Variants in GALNT18 observed in about 807,000 individuals in gnomAD.
GALNT18 encodes the protein GalNAc-transferase 18.
GALNT18 carries 44 observed loss-of-function variants against 69.5 expected under a neutral mutation model. The observed-to-expected ratio is 0.63, with a 90% CI of 0.50 to 0.81. The LOEUF (loss-of-function observed/expected upper bound fraction) is 0.81, where lower values mean the gene tolerates loss of function less well. GALNT18 is among the 40% of genes least tolerant of loss of function. GALNT18 has a pLI of 0.00. For missense variants in GALNT18, 715 were observed against 810.0 expected (o/e 0.88, Z 1.42); for synonymous variants, 364 against 318.2 (o/e 1.14, Z -1.53).
intron 1 of GALNT18, among the ~76,000 whole-genome samples, chr11:11,545,423 A>G (rs1858030177): frequency 6.6e-6 from 1 of 152,226 alleles, no homozygotes. Flanking sequence ...CAGGAGCCAA[A>G]CCCCATGATG....
intron 6 of GALNT18, among the ~76,000 whole-genome samples, chr11:11,349,653 C>T (rs1227736295): frequency 6.6e-6 from 1 of 152,080 alleles, no homozygotes; most frequent in African/African-American, 2.4e-5. Flanking sequence ...GGCACATGAG[C>T]GGTGCTCAAA....
intron 1 of GALNT18, among the ~76,000 whole-genome samples, chr11:11,554,680 A>ATGTTCCATGGAACATCTTTTGGGAACTG (rs1858285017): frequency 6.6e-6 from 1 of 152,060 alleles, no homozygotes; most frequent in Non-Finnish European, 1.5e-5. Flanking sequence ...AATGGAACTG[A>ATGTTCCATGGAACATCTTTTGGGAACTG]TGTTCCATGG....
chr11:11,273,619 T>C (rs559933875), intron 10 of GALNT18, among the ~76,000 whole-genome samples: 2 of 152,200 alleles, frequency 1.3e-5, no homozygotes, highest in Non-Finnish European at 2.9e-5. Flanking sequence ...ACAGCTACTA[T>C]GGAGAACAGT....
rs114660879 is a variant in GALNT18, at chr11:11,272,124, G to A, written c.1678-834C>T. On this transcript the variant is annotated intron_variant, in intron 10 of 10. Coordinates refer to ENST00000227756, the MANE Select transcript of GALNT18 (RefSeq NM_198516.3). The stretch of plus-strand genomic sequence containing the variant: ...GGTTCTTATAATTGGACCCCTTGTA[G>A]CTTAATGGCACTTGAGTATATGGTC... 2.4e-3 allele frequency among the ~76,000 whole-genome samples: 373 copies of A among 152,262 alleles called. 1 individual carries two copies. Among genetic ancestry groups the A allele is most frequent in the African/African-American group, 8.4e-3 (350 of 41,542 alleles).
chr11:11,529,614 T>C (rs534692573), intron 1 of GALNT18, among the ~76,000 whole-genome samples: 5 of 135,602 alleles, frequency 3.7e-5, no homozygotes, highest in South Asian at 2.6e-4. Context: ...CAATTCTTTA[T>C]AATAATCTCC....
chr11:11,535,280 ATGGT>A (rs1410754925), intron 1 of GALNT18, among the ~76,000 whole-genome samples: 2 of 152,248 alleles, frequency 1.3e-5, no homozygotes, highest in African/African-American at 4.8e-5. Context: ...ATGAGCAGAC[ATGGT>A]GACCCCTGGT....
chr11:11,557,737 G>C (rs1455958197), intron 1 of GALNT18, among the ~76,000 whole-genome samples: 5 of 152,164 alleles, frequency 3.3e-5, no homozygotes, highest in Non-Finnish European at 5.9e-5. Flanking sequence ...TGGCATCTGA[G>C]GTTGCTGGGA....
intron 1 of GALNT18, among the ~76,000 whole-genome samples, chr11:11,508,641 C>T (rs762267811): frequency 6.6e-6 from 1 of 152,184 alleles, no homozygotes; most frequent in Non-Finnish European, 1.5e-5. Context: ...AAGCAGTAAT[C>T]AGAAGACAGA....
chr11:11,513,510 C>T (rs1159919037), intron 1 of GALNT18, among the ~76,000 whole-genome samples: 7 of 152,218 alleles, frequency 4.6e-5, no homozygotes, highest in Non-Finnish European at 1.0e-4. Context: ...ATTGGCACAT[C>T]TCAAAGAGGA....
At chr11:11,374,837 A>G (rs1294506396) in intron 5 of GALNT18, among the ~76,000 whole-genome samples, 1 of 152,260 alleles carries the variant, frequency 6.6e-6, no homozygotes, top group Non-Finnish European at 1.5e-5. Flanking sequence ...GTGCAGAACC[A>G]AGGTCCTCTC....
chr11:11,320,027 C>A lies in GALNT18; in HGVS notation c.1512+7059G>T, dbSNP rs575786651. Among the ~76,000 whole-genome samples, 5 of 152,268 alleles carry A rather than the reference C, an allele frequency of 3.3e-5. No homozygotes were observed. Among genetic ancestry groups the A allele is most frequent in the Admixed American group, 6.5e-5 (1 of 15,298 alleles). ...ATATTCTCTCTTATGCTGCTACAAG[C>A]CAAGGGACCACCAACCACCAGCCAA... On this transcript the variant is annotated intron_variant, in intron 9 of 10. Coordinates refer to ENST00000227756, the MANE Select transcript of GALNT18 (RefSeq NM_198516.3). This position sits in a 1 kb window ranked among gnomAD's most constrained non-coding sequence, Gnocchi z 4.9.
At position 11,573,112 on chromosome 11, in the gene GALNT18, G is replaced by A. The variant is rs1279044247; in HGVS notation, c.235+48247C>T. Among the ~76,000 whole-genome samples the A allele has an allele frequency of 1.3e-5, 2 of 152,146 alleles. No homozygotes were observed. Among genetic ancestry groups the A allele is most frequent in the African/African-American group, 2.4e-5 (1 of 41,402 alleles). On this transcript the variant is annotated intron_variant, in intron 1 of 10. Transcript: ENST00000227756. The surrounding 1 kb of genome is among the most constrained non-coding windows in gnomAD (Gnocchi z 4.6). ...CAGGGCCAGCAAGGAGTGGACACTG[G>A]GTCTGAATTCACATTGAACTGGTTC...
intron 9 of GALNT18, among the ~76,000 whole-genome samples, chr11:11,307,994 AAGG>A (rs774237133): frequency 6.6e-6 from 1 of 152,240 alleles, no homozygotes; most frequent in East Asian, 1.9e-4. Flanking sequence ...GCTGCAGCAC[AAGG>A]AGATGTTGTT....
chr11:11,345,347 G>A (rs1329882238), intron 6 of GALNT18, among the ~76,000 whole-genome samples: 1 of 152,026 alleles, frequency 6.6e-6, no homozygotes, highest in Non-Finnish European at 1.5e-5. Context: ...TGTGCTGGCT[G>A]ACTCCTGGGA....
At chr11:11,412,961 T>G (rs947383192) in intron 3 of GALNT18, among the ~76,000 whole-genome samples, 6 of 152,076 alleles carry the variant, frequency 3.9e-5, no homozygotes, top group African/African-American at 1.4e-4. Flanking sequence ...ATACCCCAGC[T>G]CCCTCCTCTC....
chr11:11,530,793 G>T (rs924454397), intron 1 of GALNT18, among the ~76,000 whole-genome samples: 2 of 152,188 alleles, frequency 1.3e-5, no homozygotes, highest in Non-Finnish European at 2.9e-5. Flanking sequence ...CACCACAAAC[G>T]TACTGTCCAC....
At position 11,592,089 on chromosome 11, in the gene GALNT18, T is replaced by C. The variant is rs1859372739; in HGVS notation, c.235+29270A>G. 6.6e-6 allele frequency among the ~76,000 whole-genome samples: 1 copy of C among 152,198 alleles called. No individual in the cohort carries two copies. Among genetic ancestry groups the C allele is most frequent in the Admixed American group, 6.5e-5 (1 of 15,288 alleles). ...ATAGCATTTAGCATGGTACCTGGCATGTAATAAAACTCAATAAATGCTAGC... is the reference window on the plus strand; with the variant it reads ...ATAGCATTTAGCATGGTACCTGGCACGTAATAAAACTCAATAAATGCTAGC... On this transcript the variant is annotated intron_variant, in intron 1 of 10. Transcript: ENST00000227756. The surrounding 1 kb of genome is among the most constrained non-coding windows in gnomAD (Gnocchi z 5.9).
At chr11:11,561,329 A>T (rs1858499710) in intron 1 of GALNT18, among the ~76,000 whole-genome samples, 1 of 149,452 alleles carries the variant, frequency 6.7e-6, no homozygotes, top group African/African-American at 2.5e-5. Context: ...CAGAACAGAA[A>T]ACCAACACTT....
intron 10 of GALNT18, among the ~76,000 whole-genome samples, chr11:11,275,386 GTTGT>G (rs1467539181): frequency 2.6e-5 from 4 of 152,296 alleles, no homozygotes; most frequent in East Asian, 1.9e-4. Context: ...TTTAGATGGG[GTTGT>G]TTGTTTCTTG....
Sources: allele counts gnomAD v4.1 joint callset (sites outside exome capture counted in the v4.1 genomes callset), GRCh38; gene constraint gnomAD v4.1.1; non-coding constraint Gnocchi (gnomAD v3.1); transcripts MANE v1.5; gene names NCBI Gene and HGNC (gene_info 2026-07-23, HGNC 2026-07-21).